The following ZBTB20 variants were observed in gnomAD, a reference collection of about 807,000 sequenced individuals.
ZBTB20 encodes zinc finger and BTB domain-containing protein 20.
In ZBTB20, 9 loss-of-function variants were observed where a neutral mutation model predicts 56.9. That is an observed-to-expected ratio of 0.16 (90% confidence interval 0.10 to 0.28). The LOEUF is 0.28. ZBTB20 is among the 10% of genes least tolerant of loss of function. The pLI is 1.00. For synonymous variants in ZBTB20, 417 were observed against 420.7 expected, an observed-to-expected ratio of 0.99 and a Z score of 0.11; for missense variants, 655 against 1,003.0, an observed-to-expected ratio of 0.65 and a Z score of 4.69.
chr3:114,315,255 C>A lies in ZBTB20; in HGVS notation c.*23750G>T, dbSNP rs1270213285. 1 of 152,184 alleles carries A rather than the reference C, an allele frequency of 6.6e-6. No homozygotes were observed. Among genetic ancestry groups the A allele is most frequent in the Non-Finnish European group, 1.5e-5 (1 of 68,036 alleles). The allele number at this position is 152,184 out of a possible 1,614,324, so 9.4% of individuals were successfully genotyped here. On this transcript the variant is annotated 3_prime_UTR_variant, in exon 12 of 12. Coordinates refer to ENST00000675478, the MANE Select transcript of ZBTB20 (RefSeq NM_001348800.3). ...AGATTGGAGGGTATAACACTGCAGT[C>A]ATTCAGCCCAGGTTCCTCTTAGGAA...
At chr3:114,900,914 G>A (rs1057079377) in intron 3 of ZBTB20, among the ~76,000 whole-genome samples, 2 of 152,146 alleles carry the variant, frequency 1.3e-5, no homozygotes, top group Non-Finnish European at 2.9e-5. Flanking sequence ...CTAACACCAC[G>A]TCGGATATAA....
chr3:114,533,701 T>C (rs577922515), intron 6 of ZBTB20, among the ~76,000 whole-genome samples: 4 of 151,882 alleles, frequency 2.6e-5, no homozygotes, highest in East Asian at 2.0e-4. Flanking sequence ...TTCACCAAGA[T>C]TGAAATGAAG....
At chr3:115,031,550 A>T (rs894017800) in intron 2 of ZBTB20, among the ~76,000 whole-genome samples, 4 of 151,468 alleles carry the variant, frequency 2.6e-5, no homozygotes, top group African/African-American at 4.8e-5. Flanking sequence ...AAATCATGAG[A>T]TTTAAATTAC....
intron 4 of ZBTB20, among the ~76,000 whole-genome samples, chr3:114,855,472 T>C (rs2075205612): frequency 6.6e-6 from 1 of 152,176 alleles, no homozygotes; most frequent in Non-Finnish European, 1.5e-5. Context: ...CCAATTATTA[T>C]TTTCTGGAAA....
At chr3:114,765,922 G>A (rs936810790) in intron 5 of ZBTB20, among the ~76,000 whole-genome samples, 2 of 152,112 alleles carry the variant, frequency 1.3e-5, no homozygotes, top group Non-Finnish European at 2.9e-5. Flanking sequence ...TACAGAACAC[G>A]TCAAAGAAAG....
chr3:114,744,785 G>A (rs1488287934), intron 5 of ZBTB20, among the ~76,000 whole-genome samples: 5 of 152,060 alleles, frequency 3.3e-5, no homozygotes, highest in African/African-American at 4.8e-5. Context: ...AATAATGCTG[G>A]TAAAATATTG....
chr3:114,451,732 T>C (rs2091623026), intron 7 of ZBTB20, among the ~76,000 whole-genome samples: 1 of 152,130 alleles, frequency 6.6e-6, no homozygotes, highest in Non-Finnish European at 1.5e-5. Context: ...TGATATCTGA[T>C]AGTGCAGGAC....
chr3:115,011,526 A>C (rs1392101182), intron 2 of ZBTB20, among the ~76,000 whole-genome samples: 3 of 151,858 alleles, frequency 2.0e-5, no homozygotes, highest in Admixed American at 6.6e-5. Flanking sequence ...TGAAGGAAAA[A>C]ATCTTTTACC....
At chr3:114,823,641 G>A (rs2073368944) in intron 4 of ZBTB20, among the ~76,000 whole-genome samples, 1 of 151,910 alleles carries the variant, frequency 6.6e-6, no homozygotes, top group Admixed American at 6.6e-5. Context: ...GTAAAATAAA[G>A]GATGCAAAAA....
intron 7 of ZBTB20, among the ~76,000 whole-genome samples, chr3:114,410,219 C>CT (rs933379750): frequency 4.1e-4 from 60 of 147,470 alleles, no homozygotes; most frequent in African/African-American, 4.2e-4. Context: ...AGTCAACCCA[C>CT]TTTTTTTTTT....
At chr3:114,978,347 A>G (rs2078191649) in intron 2 of ZBTB20, among the ~76,000 whole-genome samples, 2 of 149,628 alleles carry the variant, frequency 1.3e-5, no homozygotes, top group African/African-American at 4.9e-5. Flanking sequence ...ATAAGTAATA[A>G]GGTGAAATAA....
At chr3:114,803,556 G>A (rs997049780) in intron 4 of ZBTB20, among the ~76,000 whole-genome samples, 10 of 151,780 alleles carry the variant, frequency 6.6e-5, no homozygotes, top group Non-Finnish European at 1.2e-4. Flanking sequence ...GGACCTGGAA[G>A]TAGGACCAGT....
At chr3:114,973,685 T>A (rs1401951150) in intron 3 of ZBTB20, among the ~76,000 whole-genome samples, 3 of 152,132 alleles carry the variant, frequency 2.0e-5, no homozygotes, top group Non-Finnish European at 4.4e-5. Flanking sequence ...TCCAATGTAA[T>A]CTGTGATTTA....
intron 5 of ZBTB20, among the ~76,000 whole-genome samples, chr3:114,708,724 G>A (rs1215990762): frequency 6.6e-6 from 1 of 152,136 alleles, no homozygotes; most frequent in African/African-American, 2.4e-5. Flanking sequence ...AAAATATATT[G>A]TTTAAGTAAA....
chr3:114,619,083 A>G (rs2058136846), intron 6 of ZBTB20, among the ~76,000 whole-genome samples: 1 of 152,180 alleles, frequency 6.6e-6, no homozygotes. Context: ...GCCAGAATGA[A>G]CTGGAAGGTG....
intron 6 of ZBTB20, among the ~76,000 whole-genome samples, chr3:114,666,035 C>T (rs570046781): frequency 5.9e-5 from 9 of 152,050 alleles, no homozygotes; most frequent in Non-Finnish European, 8.8e-5. Flanking sequence ...CTAAATGGAC[C>T]GCATGCTTCC....
At chr3:114,877,316 C>T (rs2076235753) in intron 4 of ZBTB20, among the ~76,000 whole-genome samples, 1 of 152,144 alleles carries the variant, frequency 6.6e-6, no homozygotes, top group Non-Finnish European at 1.5e-5. Flanking sequence ...ACTGTTGGTT[C>T]CTCTCAAGGA....
chr3:114,885,143 G>T (rs1017409950), intron 4 of ZBTB20, among the ~76,000 whole-genome samples: 7 of 152,152 alleles, frequency 4.6e-5, no homozygotes, highest in Non-Finnish European at 5.9e-5. Flanking sequence ...TAAACTGGTT[G>T]CCCCTGAAGA....
At position 114,568,624 on chromosome 3, in the gene ZBTB20, G is replaced by C. The variant is rs150062505; in HGVS notation, c.-294-68233C>G. Among the ~76,000 whole-genome samples the C allele has an allele frequency of 1.2e-4, 18 of 152,242 alleles. No individual in the cohort carries two copies. In the East Asian group the frequency reaches 2.7e-3, roughly 23 times the overall value. ...CAACACTTCATTCTTTAAGTGGATAGGGAAGATATTTACCTACCAAATGCT... is the reference window on the plus strand; with the variant it reads ...CAACACTTCATTCTTTAAGTGGATACGGAAGATATTTACCTACCAAATGCT... On this transcript the variant is annotated intron_variant, in intron 6 of 11. Coordinates refer to ENST00000675478, the MANE Select transcript of ZBTB20 (RefSeq NM_001348800.3).
Sources: allele counts gnomAD v4.1 joint callset (sites outside exome capture counted in the v4.1 genomes callset), GRCh38; gene constraint gnomAD v4.1.1; transcripts MANE v1.5; gene names NCBI Gene and HGNC (gene_info 2026-07-23, HGNC 2026-07-21).